The following C1QTNF1 variants were observed in gnomAD, a reference collection of about 807,000 sequenced individuals.
C1QTNF1 encodes the protein C1q and TNF related 1.
A neutral mutation model predicts 27.8 loss-of-function variants in C1QTNF1; 22 were observed. That is an observed-to-expected ratio of 0.79 (90% confidence interval 0.56 to 1.13). C1QTNF1 has a LOEUF of 1.13. C1QTNF1 is among the 50% of genes most tolerant of loss of function. The pLI, the probability that C1QTNF1 is intolerant of heterozygous loss-of-function variation, is 0.00. For missense variants in C1QTNF1, 373 were observed against 380.2 expected, an observed-to-expected ratio of 0.98 and a Z score of 0.16; for synonymous variants, 166 against 154.3, an observed-to-expected ratio of 1.08 and a Z score of -0.56.
chr17:79,046,570 T>C lies in C1QTNF1; in HGVS notation c.171T>C (p.His57=). 1 of 1,614,156 alleles carries C rather than the reference T, an allele frequency of 6.2e-7. No individual in the cohort carries two copies. Among genetic ancestry groups the C allele is most frequent in the Admixed American group, 1.7e-5 (1 of 60,024 alleles). The change falls in exon 3 of 4, where the codon CAT becomes CAC. Residue 57 remains histidine (H), a synonymous_variant. Transcript: ENST00000579760. This position sits in a 1 kb window ranked among gnomAD's most constrained non-coding sequence, Gnocchi z 4.8. ...ATTCCCTCAGGGCTGAAGAACAACA[T>C]GAAAAATACAGGCCCAGTCAGGACC... The part of the protein sequence containing the change: ...PDHAERAEEQ[H]EKYRPSQDQG...
At chr17:79,040,185 AATT>A (rs2072366580) in intron 1 of C1QTNF1, among the ~76,000 whole-genome samples, 1 of 152,084 alleles carries the variant, frequency 6.6e-6, no homozygotes, top group African/African-American at 2.4e-5. Flanking sequence ...GGAAAAATAA[AATT>A]ATGGCGCCCA....
At chr17:79,044,862 C>T (rs950056672) in intron 2 of C1QTNF1, among the ~76,000 whole-genome samples, 3 of 152,174 alleles carry the variant, frequency 2.0e-5, no homozygotes, top group Non-Finnish European at 4.4e-5. Flanking sequence ...CTTCAGTGTA[C>T]GATGGGATTG....
chr17:79,030,319 T>TTGTGTGTGTGTG lies in C1QTNF1; in HGVS notation c.-15+5841_-15+5852dup, dbSNP rs142110810. ...GGGTGGCCTTTGGGTCTTTGTGGTT[T>TTGTGTGTGTGTG]TGTGTGTGTGTGTGTGTGTGTGTGT... On this transcript the variant is annotated intron_variant, in intron 1 of 3. Transcript: ENST00000579760. Among the ~76,000 whole-genome samples, 320 of 147,922 alleles carry TTGTGTGTGTGTG rather than the reference T, an allele frequency of 2.2e-3. 2 individuals carry two copies. Among genetic ancestry groups the TTGTGTGTGTGTG allele is most frequent in the Non-Finnish European group, 3.2e-3 (211 of 66,466 alleles).
intron 1 of C1QTNF1, among the ~76,000 whole-genome samples, chr17:79,040,730 CAAAAAAAA>C (rs60302649): frequency 1.8e-4 from 10 of 56,940 alleles, no homozygotes; most frequent in Admixed American, 5.7e-4. Context: ...TTTGTCTCTA[CAAAAAAAA>C]AAAAAAAAAA....
intron 1 of C1QTNF1, among the ~76,000 whole-genome samples, chr17:79,033,270 T>A (rs913540603): frequency 1.3e-5 from 2 of 152,092 alleles, no homozygotes; most frequent in Non-Finnish European, 2.9e-5. Flanking sequence ...ACTGGATGTT[T>A]CATTTTGTTT....
In C1QTNF1 at chr17:79,044,045, G is replaced by A. The variant is rs753794387; in HGVS notation, c.77G>A (p.Arg26His). The A allele has an allele frequency of 2.2e-5, 36 of 1,613,912 alleles. 1 individual carries two copies. The highest frequency in any genetic ancestry group is 6.7e-5 in the African/African-American group (5 of 75,034). The stretch of plus-strand genomic sequence containing the variant: ...TTTGCCTCTGGCCTGGTCCTGAGTC[G>A]TGTGCCCCATGTCCAGGGGGAACAG... ...LAFASGLVLS[R>H]VPHVQGEQQE... is the part of the protein sequence containing the mutation. The change falls in exon 2 of 4, where the codon CGT becomes CAT. Residue 26 changes from arginine to histidine, a missense_variant. Physicochemically the swap from Arg to His is conservative, Grantham distance 29. Coordinates refer to ENST00000579760, the MANE Select transcript of C1QTNF1 (RefSeq NM_030968.5).
intron 1 of C1QTNF1, among the ~76,000 whole-genome samples, chr17:79,030,745 A>C (rs1285787275): frequency 6.6e-6 from 1 of 151,484 alleles, no homozygotes; most frequent in African/African-American, 2.4e-5. Flanking sequence ...GATTTTAGGC[A>C]CACGCCACCA....
intron 1 of C1QTNF1, among the ~76,000 whole-genome samples, chr17:79,030,485 T>TTCTTTTTCTTTCTTTC (rs1471598732): frequency 5.3e-4 from 64 of 121,862 alleles, no homozygotes; most frequent in East Asian, 1.1e-3. Flanking sequence ...CTTTCTTTCT[T>TTCTTTTTCTTTCTTTC]TTTCTTTCTT....
intron 1 of C1QTNF1, 177 bp from the exon 2 acceptor site, chr17:79,043,778 G>A: frequency 2.8e-6 from 2 of 723,038 alleles, no homozygotes; most frequent in Non-Finnish European, 2.5e-6. Flanking sequence ...ATGCATGCAT[G>A]GGTGTGTGAG....
intron 1 of C1QTNF1, among the ~76,000 whole-genome samples, chr17:79,041,400 C>T (rs751630767): frequency 3.9e-5 from 6 of 152,140 alleles, no homozygotes; most frequent in Non-Finnish European, 7.4e-5. Flanking sequence ...GAGGCTCTAT[C>T]GGGAGAGCCC....
chr17:79,046,779 C>T lies in C1QTNF1; in HGVS notation c.295+85C>T. 6.4e-7 allele frequency: 1 copy of T among 1,551,748 alleles called. No individual in the cohort carries two copies. ...AAGGGATGGAGTCGTTAGGGTGGGG[C>T]TAGGCGAGAGCAGAATGGCTCCCTC... On this transcript the variant is annotated intron_variant, in intron 3 of 3. Coordinates refer to ENST00000579760, the MANE Select transcript of C1QTNF1 (RefSeq NM_030968.5). This position sits in a 1 kb window ranked among gnomAD's most constrained non-coding sequence, Gnocchi z 4.8.
rs199649620 is a variant in C1QTNF1, at chr17:79,046,734, G to T, written c.295+40G>T. On this transcript the variant is annotated intron_variant, in intron 3 of 3. Coordinates refer to ENST00000579760, the MANE Select transcript of C1QTNF1 (RefSeq NM_030968.5). This position sits in a 1 kb window ranked among gnomAD's most constrained non-coding sequence, Gnocchi z 4.8. Reference sequence around the variant, plus strand: ...AAGACAAGCACGGGGTGGCCGGGCTGCTCTGTGCTGATCCGGAGGAAGGGA... The same window carrying T: ...AAGACAAGCACGGGGTGGCCGGGCTTCTCTGTGCTGATCCGGAGGAAGGGA... The T allele has an allele frequency of 3.4e-4, 542 of 1,612,364 alleles. 2 individuals carry two copies. The African/African-American group carries it at 4.7e-3, about 14-fold the overall frequency.
chr17:79,043,855 C>T (rs1385714096), intron 1 of C1QTNF1, 100 bp from the exon 2 acceptor site: 1 of 1,352,448 alleles, frequency 7.4e-7, no homozygotes, highest in Admixed American at 1.7e-5. Context: ...GGGGAAGCAC[C>T]TCCGATTTCC....
chr17:79,029,334 C>T (rs1424222736), intron 1 of C1QTNF1, among the ~76,000 whole-genome samples: 1 of 152,218 alleles, frequency 6.6e-6, no homozygotes, highest in Non-Finnish European at 1.5e-5. Context: ...CTGTCGGACA[C>T]ACCTAGGTCT....
At chr17:79,045,395 T>C (rs2072541406) in intron 2 of C1QTNF1, among the ~76,000 whole-genome samples, 1 of 151,972 alleles carries the variant, frequency 6.6e-6, no homozygotes, top group African/African-American at 2.4e-5. Context: ...ACAAGAGGAA[T>C]CATGGGAAAG....
At chr17:79,037,810 T>A (rs1428211605) in intron 1 of C1QTNF1, among the ~76,000 whole-genome samples, 1 of 151,974 alleles carries the variant, frequency 6.6e-6, no homozygotes. Context: ...CTGCTGGGAC[T>A]ACAGGCGAAC....
rs544672712 is a variant in C1QTNF1 at position 79,043,624 on chromosome 17, T to C, written c.-14-331T>C. The C allele has an allele frequency of 1.6e-4, 77 of 477,430 alleles. 1 individual carries two copies. In the East Asian group the frequency reaches 4.0e-3, roughly 25 times the overall value. The allele number at this position is 477,430 out of a possible 1,614,324, so 29.6% of individuals were successfully genotyped here. A position where few individuals can be genotyped will look rare whatever the true frequency, so the allele number is the denominator to read the frequency against. ...TGCATGTGTGTTGGGTGCATGTGAATGTGTGGGTTGCATGTGAGTGTATGT... is the reference window on the plus strand; with the variant it reads ...TGCATGTGTGTTGGGTGCATGTGAACGTGTGGGTTGCATGTGAGTGTATGT... On this transcript the variant is annotated intron_variant, in intron 1 of 3. Transcript: ENST00000579760.
intron 1 of C1QTNF1, chr17:79,043,612 G>T: frequency 2.2e-6 from 1 of 464,132 alleles, no homozygotes; most frequent in South Asian, 1.6e-5. Flanking sequence ...ATGTGTGTTG[G>T]GTGCATGTGA....
At chr17:79,045,450 C>A (rs762258866) in intron 2 of C1QTNF1, among the ~76,000 whole-genome samples, 18 of 152,124 alleles carry the variant, frequency 1.2e-4, no homozygotes, top group Admixed American at 2.0e-4. Flanking sequence ...AGGGAGGCAG[C>A]AGAGAGGATG....
Sources: gnomAD v4.1 joint callset for allele counts (sites outside exome capture counted in the v4.1 genomes callset) on GRCh38, gnomAD v4.1.1 for gene constraint, Gnocchi (gnomAD v3.1) non-coding constraint, MANE v1.5 for transcripts, NCBI Gene and HGNC (gene_info 2026-07-23, HGNC 2026-07-21) for gene names.